Variants in DDX10 observed in about 807,000 individuals in gnomAD.
DDX10 encodes probable ATP-dependent RNA helicase DDX10.
Under a neutral mutation model 104.3 loss-of-function variants are expected in DDX10, and 74 were observed. That is an observed-to-expected ratio of 0.71 (90% CI 0.59 to 0.86). The LOEUF (loss-of-function observed/expected upper bound fraction) is 0.86. DDX10 is among the 40% of genes least tolerant of loss of function. The probability of loss-of-function intolerance (pLI) is 0.00; values close to 1 mark genes in which losing one functional copy is unlikely to be tolerated. For missense variants in DDX10, 952 were observed against 1,040.0 expected, an observed-to-expected ratio of 0.92 and a Z score of 1.16; for synonymous variants, 351 against 353.4, an observed-to-expected ratio of 0.99 and a Z score of 0.08.
intron 16 of DDX10, among the ~76,000 whole-genome samples, chr11:108,894,798 A>G (rs1036534955): frequency 6.6e-6 from 1 of 152,024 alleles, no homozygotes; most frequent in Non-Finnish European, 1.5e-5. Flanking sequence ...AATAGTTATT[A>G]TGAAATTTTG....
At chr11:108,845,262 C>A (rs1862700062) in intron 15 of DDX10, among the ~76,000 whole-genome samples, 1 of 151,802 alleles carries the variant, frequency 6.6e-6, no homozygotes, top group East Asian at 1.9e-4. Context: ...TTACTTATTT[C>A]CAGTAACTTT....
At chr11:108,707,028 C>T (rs1379505870) in intron 10 of DDX10, among the ~76,000 whole-genome samples, 191 bp downstream of exon 10, 1 of 152,132 alleles carries the variant, frequency 6.6e-6, no homozygotes, top group Non-Finnish European at 1.5e-5. Context: ...TTCTCATATA[C>T]CCCATTCCCC....
chr11:108,675,660 G>T lies in DDX10; in HGVS notation c.312G>T (p.Leu104Phe), dbSNP rs77357742. 6.2e-7 allele frequency: 1 copy of T among 1,614,188 alleles called. No homozygotes were observed. ...EIQKQTIGLA[L>F]QGKDVLGAAK... ...AGAAGCAGACCATTGGATTGGCTTT[G>T]CAAGGTAAAGATGTACTTGGAGCGG... Residue 104 changes from leucine to phenylalanine, a missense_variant, in exon 3 of 18, where the codon TTG becomes TTT. Around this residue, in one of 3 missense-constraint regions of DDX10, gnomAD observed 412 missense variants for 479.2 expected, o/e 0.86. Coordinates refer to ENST00000322536, the MANE Select transcript of DDX10 (RefSeq NM_004398.4).
At chr11:108,688,189 GTA>G (rs1315638680) in intron 6 of DDX10, among the ~76,000 whole-genome samples, 2 of 152,116 alleles carry the variant, frequency 1.3e-5, no homozygotes, top group Non-Finnish European at 2.9e-5. Context: ...TTGTGTGTGT[GTA>G]TATGTGTGTG....
intron 15 of DDX10, among the ~76,000 whole-genome samples, chr11:108,849,350 G>A (rs544123121): frequency 1.9e-4 from 29 of 152,118 alleles, no homozygotes; most frequent in African/African-American, 6.0e-4. Flanking sequence ...TGAGAATCAC[G>A]CAAAGGAATA....
At chr11:108,839,130 T>C (rs1356428422) in intron 14 of DDX10, among the ~76,000 whole-genome samples, 1 of 152,200 alleles carries the variant, frequency 6.6e-6, no homozygotes, top group African/African-American at 2.4e-5. Flanking sequence ...CTCATGAAAG[T>C]TCATGCTATT....
chr11:108,864,513 C>T (rs1399006130), intron 16 of DDX10, among the ~76,000 whole-genome samples: 1 of 152,024 alleles, frequency 6.6e-6, no homozygotes, highest in African/African-American at 2.4e-5. Flanking sequence ...TACTCTGTTG[C>T]CCAGGCTGGA....
chr11:108,911,185 T>C (rs543475549), intron 16 of DDX10, among the ~76,000 whole-genome samples: 1 of 152,342 alleles, frequency 6.6e-6, no homozygotes, highest in Non-Finnish European at 1.5e-5. Context: ...CACTGCAGCA[T>C]GTCCAGAACC....
chr11:108,746,917 A>T (rs960209474), intron 13 of DDX10, among the ~76,000 whole-genome samples: 6 of 152,156 alleles, frequency 3.9e-5, no homozygotes, highest in African/African-American at 1.4e-4. Flanking sequence ...GGGGAAGGTA[A>T]CGCAAGGGGC....
intron 13 of DDX10, among the ~76,000 whole-genome samples, chr11:108,823,377 TTC>T (rs1862351853): frequency 6.6e-6 from 1 of 152,188 alleles, no homozygotes; most frequent in Non-Finnish European, 1.5e-5. Context: ...TTGTTTCACT[TTC>T]TGTTAACATA....
chr11:108,927,589 C>A (rs1447975668), intron 17 of DDX10, among the ~76,000 whole-genome samples: 1 of 151,482 alleles, frequency 6.6e-6, no homozygotes, highest in Non-Finnish European at 1.5e-5. Context: ...AGATGTTTTT[C>A]TTCTATGTTG....
rs184642357 is a variant in DDX10, at chr11:108,704,345, C to T, written c.1224-2394C>T. On this transcript the variant is annotated intron_variant, in intron 9 of 17. Transcript: ENST00000322536. ...TAAAAGGATTGACTGTTGCCTAGCC[C>T]TCAGCTCACTGTTCTCTGTCCTTAT... 9.7e-4 allele frequency among the ~76,000 whole-genome samples: 148 copies of T among 152,332 alleles called. 2 individuals carry two copies. Among genetic ancestry groups the T allele is most frequent in the Admixed American group, 5.9e-4 (9 of 15,296 alleles).
intron 6 of DDX10, 105 bp from the exon 7 acceptor site, chr11:108,688,831 T>C: frequency 7.9e-7 from 1 of 1,268,546 alleles, no homozygotes; most frequent in Non-Finnish European, 1.1e-6. Context: ...GTAGGAAATT[T>C]GCTTGAGAGA....
At chr11:108,939,619 A>C (rs1464649956) in intron 17 of DDX10, among the ~76,000 whole-genome samples, 1 of 152,220 alleles carries the variant, frequency 6.6e-6, no homozygotes, top group Non-Finnish European at 1.5e-5. Context: ...TGATTTCCTC[A>C]ACTTTCAGAA....
intron 13 of DDX10, among the ~76,000 whole-genome samples, chr11:108,813,300 TACTTTA>T (rs1862211734): frequency 3.9e-5 from 3 of 76,588 alleles, no homozygotes; most frequent in African/African-American, 1.0e-4. Flanking sequence ...TCTTTTCAAA[TACTTTA>T]TCTTTGCTGG....
chr11:108,873,631 A>G (rs1044064156), intron 16 of DDX10, among the ~76,000 whole-genome samples: 2 of 152,098 alleles, frequency 1.3e-5, no homozygotes, highest in Admixed American at 6.6e-5. Flanking sequence ...TTTTCCTTAT[A>G]AAGAATCTCA....
intron 13 of DDX10, among the ~76,000 whole-genome samples, chr11:108,787,522 A>C (rs528142206): frequency 6.6e-6 from 1 of 152,098 alleles, no homozygotes; most frequent in South Asian, 2.1e-4. Context: ...CATATTACTC[A>C]GTGGTGTTTT....
intron 13 of DDX10, among the ~76,000 whole-genome samples, chr11:108,723,805 A>G (rs1329253756): frequency 1.3e-5 from 2 of 152,132 alleles, no homozygotes; most frequent in Non-Finnish European, 2.9e-5. Flanking sequence ...AATTCTTAAG[A>G]TACTGCTTTC....
In DDX10 at chr11:108,693,665, C is replaced by T. The variant is rs887406901; in HGVS notation, c.1223+65C>T. The T allele has an allele frequency of 1.3e-5, 17 of 1,278,138 alleles. No homozygotes were observed. In the African/African-American group the frequency reaches 2.2e-4, roughly 16 times the overall value. The allele number at this position is 1,278,138 out of a possible 1,614,324, so 79.2% of individuals were successfully genotyped here. ...TAAATAACAAAGCATGCTTTTCCAA[C>T]TGCAGATAAACGAAGAAAGGAATCA... On this transcript the variant is annotated intron_variant, in intron 9 of 17. Transcript: ENST00000322536.
Sources: gnomAD v4.1 joint callset for allele counts (sites outside exome capture counted in the v4.1 genomes callset) on GRCh38, gnomAD v4.1.1 for gene constraint, gnomAD v4.1.1 regional missense constraint, MANE v1.5 for transcripts, NCBI Gene and HGNC (gene_info 2026-07-23, HGNC 2026-07-21) for gene names.